The following CPE variants were observed in gnomAD, a reference collection of about 807,000 sequenced individuals.
The protein encoded by CPE is carbocypeptidase E.
A neutral mutation model predicts 53.5 loss-of-function variants in CPE; 17 were observed. The observed-to-expected ratio is 0.32, with a 90% CI of 0.22 to 0.48. The LOEUF (loss-of-function observed/expected upper bound fraction) is 0.48. CPE is among the 20% of genes least tolerant of loss of function. The pLI is 0.99. For synonymous variants in CPE, 226 were observed against 228.8 expected (o/e 0.99, Z 0.11); for missense variants, 524 against 614.7 (o/e 0.85, Z 1.56).
intron 1 of CPE, among the ~76,000 whole-genome samples, chr4:165,384,603 G>A (rs1267011801): frequency 6.6e-6 from 1 of 152,174 alleles, no homozygotes; most frequent in Non-Finnish European, 1.5e-5. Context: ...GCGACAGAGC[G>A]AGACCCTATC....
In CPE at chr4:165,487,426, G is replaced by A. The variant is rs1384609980; in HGVS notation, c.974-12G>A. 12 of 1,613,262 alleles carry A rather than the reference G, an allele frequency of 7.4e-6. No homozygotes were observed. Among genetic ancestry groups the A allele is most frequent in the Admixed American group, 3.3e-5 (2 of 59,964 alleles). ...TGTGCATATTTTGACTTTCCATTTG[G>A]TGTTTTGGCAGGGATGCAAGACTTC... On this transcript the variant is annotated splice_polypyrimidine_tract_variant and intron_variant, in intron 5 of 8. Transcript: ENST00000402744.
At chr4:165,403,525 T>C (rs1028382490) in intron 1 of CPE, among the ~76,000 whole-genome samples, 14 of 152,298 alleles carry the variant, frequency 9.2e-5, no homozygotes, top group Non-Finnish European at 2.1e-4. Flanking sequence ...AAAATCCTAC[T>C]ACCACTATTA....
chr4:165,461,133 C>T (rs1205553355), intron 1 of CPE, among the ~76,000 whole-genome samples: 2 of 97,382 alleles, frequency 2.1e-5, no homozygotes, highest in African/African-American at 7.1e-5. Context: ...TGCCACTGCA[C>T]TCTAGCCTGG....
At chr4:165,380,852 C>T (rs1730496385) in intron 1 of CPE, among the ~76,000 whole-genome samples, 1 of 152,188 alleles carries the variant, frequency 6.6e-6, no homozygotes, top group Non-Finnish European at 1.5e-5. Flanking sequence ...TTAATATTAA[C>T]TACTCTTATC....
At chr4:165,470,524 A>G (rs1485744138) in intron 3 of CPE, among the ~76,000 whole-genome samples, 1 of 152,106 alleles carries the variant, frequency 6.6e-6, no homozygotes, top group Non-Finnish European at 1.5e-5. Flanking sequence ...CTGCCGTCTT[A>G]TCAGGAAGCC....
intron 1 of CPE, among the ~76,000 whole-genome samples, chr4:165,440,225 GA>G (rs1379315506): frequency 1.3e-5 from 2 of 152,080 alleles, no homozygotes; most frequent in Admixed American, 1.3e-4. Context: ...TTCTGCCAGG[GA>G]TATATCAGTG....
intron 1 of CPE, among the ~76,000 whole-genome samples, chr4:165,426,278 C>CTGAATTAT (rs1731316492): frequency 6.6e-6 from 1 of 152,110 alleles, no homozygotes; most frequent in Admixed American, 6.5e-5. Flanking sequence ...ATTATTTTTA[C>CTGAATTAT]TGAATTATAG....
chr4:165,482,403 C>A, intron 4 of CPE, 44 bp downstream of exon 4: 2 of 1,339,932 alleles, frequency 1.5e-6, no homozygotes, highest in Non-Finnish European at 2.1e-6. Context: ...AAGTTTATAA[C>A]ACTGTACAAG....
At chr4:165,437,833 A>T (rs1049000738) in intron 1 of CPE, among the ~76,000 whole-genome samples, 1 of 152,064 alleles carries the variant, frequency 6.6e-6, no homozygotes, top group African/African-American at 2.4e-5. Flanking sequence ...CTGGATGTAG[A>T]AGGGGAGGCA....
At chr4:165,492,129 A>G (rs1732616696) in intron 6 of CPE, among the ~76,000 whole-genome samples, 1 of 152,224 alleles carries the variant, frequency 6.6e-6, no homozygotes, top group Admixed American at 6.5e-5. Context: ...TGTATTAAAT[A>G]ATAGCCAGTT....
chr4:165,414,922 G>A (rs1416746105), intron 1 of CPE, among the ~76,000 whole-genome samples: 1 of 151,168 alleles, frequency 6.6e-6, no homozygotes, highest in Non-Finnish European at 1.5e-5. Context: ...TGGAAAAACA[G>A]CCATTATTTA....
chr4:165,380,205 C>T (rs1730486057), intron 1 of CPE, among the ~76,000 whole-genome samples: 1 of 152,084 alleles, frequency 6.6e-6, no homozygotes, highest in Non-Finnish European at 1.5e-5. Context: ...CCTCCTCCTA[C>T]CAGGGTGAAA....
chr4:165,444,960 TTTTA>T (rs1177404580), intron 1 of CPE, among the ~76,000 whole-genome samples: 3 of 145,934 alleles, frequency 2.1e-5, no homozygotes, highest in Non-Finnish European at 3.0e-5. Flanking sequence ...TATTTTATTT[TTTTA>T]AATTTTTTTT....
intron 1 of CPE, among the ~76,000 whole-genome samples, chr4:165,423,476 T>C (rs1180981547): frequency 6.6e-6 from 1 of 151,956 alleles, no homozygotes; most frequent in Non-Finnish European, 1.5e-5. Context: ...GTCTTTCTTA[T>C]TTATAAATTT....
At position 165,479,519 on chromosome 4, in the gene CPE, T is replaced by C. The variant is rs544527763; in HGVS notation, c.673-2723T>C. On this transcript the variant is annotated intron_variant, in intron 3 of 8. Coordinates refer to ENST00000402744, the MANE Select transcript of CPE (RefSeq NM_001873.4). The stretch of plus-strand genomic sequence containing the variant: ...GCACATAGTGGTCACTTAATACTTA[T>C]TGAACGAATGAATGAAATGGAAAAG... Among the ~76,000 whole-genome samples, 541 of 152,322 alleles carry C rather than the reference T, an allele frequency of 3.6e-3. 2 individuals are homozygous for C. Among genetic ancestry groups the C allele is most frequent in the Non-Finnish European group, 5.6e-3 (381 of 68,032 alleles).
At chr4:165,460,418 A>G (rs1245887244) in intron 1 of CPE, among the ~76,000 whole-genome samples, 1 of 152,144 alleles carries the variant, frequency 6.6e-6, no homozygotes, top group Non-Finnish European at 1.5e-5. Context: ...GACTATGGAA[A>G]TTAATCTTCT....
intron 1 of CPE, among the ~76,000 whole-genome samples, chr4:165,410,329 GT>G (rs1009654396): frequency 4.6e-5 from 7 of 151,420 alleles, no homozygotes; most frequent in African/African-American, 1.5e-4. Context: ...TAAAAAAATC[GT>G]TGAATTACAG....
At chr4:165,459,789 G>C (rs1245564162) in intron 1 of CPE, among the ~76,000 whole-genome samples, 1 of 151,322 alleles carries the variant, frequency 6.6e-6, no homozygotes, top group Non-Finnish European at 1.5e-5. Context: ...GGTGGCGTGC[G>C]CCTGTACTCC....
At chr4:165,455,357 C>A (rs1368288826) in intron 1 of CPE, among the ~76,000 whole-genome samples, 1 of 152,136 alleles carries the variant, frequency 6.6e-6, no homozygotes, top group Non-Finnish European at 1.5e-5. Flanking sequence ...TGAAAGACAG[C>A]AGAATCTTCT....
Sources: allele counts gnomAD v4.1 joint callset (sites outside exome capture counted in the v4.1 genomes callset), GRCh38; gene constraint gnomAD v4.1.1; transcripts MANE v1.5; gene names NCBI Gene and HGNC (gene_info 2026-07-23, HGNC 2026-07-21).